Variants in ASAP2 observed in about 807,000 individuals in gnomAD.
ASAP2 encodes arf-GAP with SH3 domain, ANK repeat and PH domain-containing protein 2.
Under a neutral mutation model 131.4 loss-of-function variants are expected in ASAP2, and 45 were observed. That is an observed-to-expected ratio of 0.34 (90% CI 0.27 to 0.44). The LOEUF (loss-of-function observed/expected upper bound fraction) is 0.44. ASAP2 is among the 20% of genes least tolerant of loss of function. The pLI is 1.00. For missense variants in ASAP2, 1,011 were observed against 1,297.0 expected (o/e 0.78, Z 3.39); for synonymous variants, 510 against 503.0 (o/e 1.01, Z -0.19).
chr2:9,319,846 TTC>T (rs747659431), intron 4 of ASAP2, among the ~76,000 whole-genome samples: 4 of 152,208 alleles, frequency 2.6e-5, no homozygotes, highest in Admixed American at 2.0e-4. Flanking sequence ...GTGGCGGCCT[TTC>T]TATTTCTGTC....
chr2:9,366,933 C>T (rs1673516186), intron 15 of ASAP2, among the ~76,000 whole-genome samples: 1 of 152,106 alleles, frequency 6.6e-6, no homozygotes, highest in Non-Finnish European at 1.5e-5. Flanking sequence ...ACCTCTTGGG[C>T]TCTCCTTCAG....
Position 9,291,582 on chromosome 2 carries a change from G to A in ASAP2, c.200-5718G>A, listed in dbSNP as rs1054014748. 5.3e-5 allele frequency among the ~76,000 whole-genome samples: 8 copies of A among 152,200 alleles called. No individual in the cohort carries two copies. In the South Asian group the frequency reaches 8.3e-4, roughly 16 times the overall value. ...TTGAGTAGTAATCGTCATGTCATCC[G>A]TCTAGGGAGAGTCTCCACCAGGCTG... On this transcript the variant is annotated intron_variant, in intron 2 of 27. Coordinates refer to ENST00000281419, the MANE Select transcript of ASAP2 (RefSeq NM_003887.3).
At chr2:9,223,384 C>G (rs184443618) in intron 1 of ASAP2, among the ~76,000 whole-genome samples, 2 of 152,280 alleles carry the variant, frequency 1.3e-5, no homozygotes, top group African/African-American at 4.8e-5. Context: ...TTCTTGGATC[C>G]TTCAAGCATC....
At chr2:9,402,115 C>G (rs1004691864) in intron 27 of ASAP2, among the ~76,000 whole-genome samples, 2 of 152,250 alleles carry the variant, frequency 1.3e-5, no homozygotes, top group Non-Finnish European at 2.9e-5. Context: ...GACAGTTCAG[C>G]TGGGAACTCA....
At chr2:9,222,866 A>G (rs893778742) in intron 1 of ASAP2, among the ~76,000 whole-genome samples, 1 of 152,112 alleles carries the variant, frequency 6.6e-6, no homozygotes, top group Admixed American at 6.5e-5. Context: ...TGGGATGCTT[A>G]TGCTGGAACC....
At chr2:9,252,254 T>A (rs115040713) in intron 1 of ASAP2, among the ~76,000 whole-genome samples, 260 of 152,294 alleles carry the variant, frequency 1.7e-3, no homozygotes, top group African/African-American at 5.9e-3. Flanking sequence ...GAGTAATTGA[T>A]GAACCAGGGA....
intron 16 of ASAP2, among the ~76,000 whole-genome samples, chr2:9,370,118 A>G (rs904109138): frequency 3.3e-5 from 5 of 152,210 alleles, no homozygotes; most frequent in Non-Finnish European, 5.9e-5. Context: ...GATTACAGAC[A>G]TGAGCCACTG....
At chr2:9,346,155 C>T (rs937607645) in intron 11 of ASAP2, among the ~76,000 whole-genome samples, 1 of 152,106 alleles carries the variant, frequency 6.6e-6, no homozygotes, top group Non-Finnish European at 1.5e-5. Context: ...TGGGCAGGTG[C>T]AGTGGCTCAA....
intron 3 of ASAP2, among the ~76,000 whole-genome samples, chr2:9,317,385 CACACACACACCCTCAA>C (rs1424243879): frequency 1.3e-5 from 1 of 76,032 alleles, no homozygotes; most frequent in African/African-American, 4.3e-5. Context: ...AACTCACATC[CACACACACACCCTCAA>C]ACACACACAT....
chr2:9,357,810 A>G lies in ASAP2; in HGVS notation c.1328-946A>G, dbSNP rs547495041. Among the ~76,000 whole-genome samples the G allele has an allele frequency of 2.0e-5, 3 of 152,340 alleles. No homozygotes were observed. In the South Asian group the frequency reaches 6.2e-4, roughly 32 times the overall value. On this transcript the variant is annotated intron_variant, in intron 14 of 27. Transcript: ENST00000281419. The stretch of plus-strand genomic sequence containing the variant: ...AACATTTTTAATAACTTGAACATTT[A>G]AAAAATAACTTCATGATTTCCTACT...
chr2:9,297,204 C>T, intron 2 of ASAP2, 96 bp from the exon 3 acceptor site: 3 of 1,429,346 alleles, frequency 2.1e-6, no homozygotes, highest in Non-Finnish European at 2.9e-6. Flanking sequence ...TTTTCTTCTG[C>T]TGATGTGTTC....
At chr2:9,346,637 G>A (rs1192582805) in intron 11 of ASAP2, among the ~76,000 whole-genome samples, 1 of 152,242 alleles carries the variant, frequency 6.6e-6, no homozygotes, top group South Asian at 2.1e-4. Context: ...GTGTCCACTC[G>A]CTGTTTGTTT....
At chr2:9,238,061 G>T (rs1274108919) in intron 1 of ASAP2, among the ~76,000 whole-genome samples, 1 of 151,912 alleles carries the variant, frequency 6.6e-6, no homozygotes, top group East Asian at 1.9e-4. Context: ...CAGTGTGTGG[G>T]AGGAGCCATG....
chr2:9,274,392 C>G (rs149364578), intron 1 of ASAP2, among the ~76,000 whole-genome samples: 1 of 148,490 alleles, frequency 6.7e-6, no homozygotes, highest in African/African-American at 2.5e-5. Flanking sequence ...GTGTGATCTC[C>G]GCTCACTGCA....
At chr2:9,263,855 A>G (rs926528199) in intron 1 of ASAP2, among the ~76,000 whole-genome samples, 3 of 152,080 alleles carry the variant, frequency 2.0e-5, no homozygotes, top group African/African-American at 7.2e-5. Flanking sequence ...GTTCTTCTAT[A>G]ATAGGTTAAG....
At chr2:9,327,744 G>C in intron 6 of ASAP2, 82 bp from the exon 7 acceptor site, 1 of 993,576 alleles carries the variant, frequency 1.0e-6, no homozygotes, top group Non-Finnish European at 1.5e-6. Flanking sequence ...AGAAGTAGAA[G>C]AAATCATCTC....
chr2:9,387,079 G>GT (rs1014289896), intron 21 of ASAP2, among the ~76,000 whole-genome samples: 1 of 145,312 alleles, frequency 6.9e-6, no homozygotes, highest in Admixed American at 6.8e-5. Context: ...GGTGGTGGGT[G>GT]GGGGGGCGCC....
intron 3 of ASAP2, among the ~76,000 whole-genome samples, chr2:9,310,442 T>C (rs916800422): frequency 1.3e-5 from 2 of 152,212 alleles, no homozygotes; most frequent in African/African-American, 2.4e-5. Context: ...ACCTGTTATT[T>C]TCTAGACCTT....
chr2:9,246,188 C>T (rs770580525), intron 1 of ASAP2, among the ~76,000 whole-genome samples: 2 of 152,158 alleles, frequency 1.3e-5, no homozygotes, highest in African/African-American at 2.4e-5. Context: ...TCTCCAAACC[C>T]GTACTCCTTA....
Sources: gnomAD v4.1 joint callset for allele counts (sites outside exome capture counted in the v4.1 genomes callset) on GRCh38, gnomAD v4.1.1 for gene constraint, MANE v1.5 for transcripts, NCBI Gene and HGNC (gene_info 2026-07-23, HGNC 2026-07-21) for gene names.